SRPX2: variants seen among roughly 807,000 people sequenced by gnomAD.
SRPX2 encodes sushi repeat containing protein X-linked 2.
A neutral mutation model predicts 45.3 loss-of-function variants in SRPX2; 26 were observed. The observed-to-expected ratio is 0.57, with a 90% CI of 0.42 to 0.80. SRPX2 has a LOEUF of 0.80. SRPX2 is among the 30% of genes least tolerant of loss of function. SRPX2 has a pLI of 0.00. For missense variants in SRPX2, 355 were observed against 399.8 expected (o/e 0.89, Z 0.95); for synonymous variants, 125 against 143.7 (o/e 0.87, Z 0.93).
At chrX:100,648,548 C>CA (rs1364287951) in intron 2 of SRPX2, among the ~76,000 whole-genome samples, 1 of 106,691 alleles carries the variant, frequency 9.4e-6, no homozygotes, top group Non-Finnish European at 1.9e-5. Context: ...CCACCATTTG[C>CA]AAAAAAGAAA....
At position 100,662,372 on chromosome X, in the gene SRPX2, G is replaced by A; in HGVS notation, c.355+5G>A. ...CTGGAACTGCCTACTGCAGGCGTAA[G>A]TTGTGTGTGTGCATATGCTGATGTA... On this transcript the variant is annotated splice_donor_5th_base_variant and intron_variant, in intron 4 of 10. Transcript: ENST00000373004. 8.3e-7 allele frequency: 1 copy of A among 1,211,239 alleles called. No homozygotes were observed. Among genetic ancestry groups the A allele is most frequent in the Non-Finnish European group, 1.1e-6 (1 of 895,569 alleles).
chrX:100,666,723 A>G (rs2083205588), intron 7 of SRPX2, 31 bp from the exon 8 acceptor site: 4 of 1,210,156 alleles, frequency 3.3e-6, no homozygotes, highest in Admixed American at 2.2e-5. Flanking sequence ...AAGAAACACC[A>G]TAACTTCTAA....
chrX:100,658,690 T>A lies in SRPX2; in HGVS notation c.164-3486T>A, dbSNP rs770115068. On this transcript the variant is annotated intron_variant, in intron 3 of 10. Coordinates refer to ENST00000373004, the MANE Select transcript of SRPX2 (RefSeq NM_014467.3). ...TAGAAAGTGCATTGAATCTGTAGAT[T>A]GCTTTGAGCAATATGGTCATTTTAA... Among the ~76,000 whole-genome samples the A allele has an allele frequency of 1.0e-3, 115 of 112,244 alleles. 1 individual carries two copies. Among genetic ancestry groups the A allele is most frequent in the Non-Finnish European group, 1.3e-3 (71 of 53,259 alleles).
intron 3 of SRPX2, among the ~76,000 whole-genome samples, chrX:100,659,269 T>C (rs954299518): frequency 8.9e-6 from 1 of 112,046 alleles, no homozygotes; most frequent in Non-Finnish European, 1.9e-5. Context: ...TGAAAACAGA[T>C]TGTGTTTGCT....
chrX:100,665,767 G>A, intron 7 of SRPX2, 110 bp downstream of exon 7: 1 of 1,115,802 alleles, frequency 9.0e-7, no homozygotes, highest in Non-Finnish European at 1.2e-6. Flanking sequence ...ATTTATACTG[G>A]GAGAGGAGAA....
chrX:100,668,768 C>T (rs775352660), intron 9 of SRPX2, among the ~76,000 whole-genome samples: 2 of 112,035 alleles, frequency 1.8e-5, no homozygotes, highest in Non-Finnish European at 3.8e-5. Context: ...AAAGAGCACA[C>T]GCTTGGGCAG....
chrX:100,673,116 A>C lies in SRPX2; in HGVS notation c.*2129A>C, dbSNP rs2083235578. The C allele has an allele frequency of 1.8e-5, 2 of 111,543 alleles. No individual in the cohort carries two copies. The highest frequency in any genetic ancestry group is 1.9e-4 in the Admixed American group (2 of 10,521). The allele number at this position is 111,543 out of a possible 1,213,427, so 9.2% of individuals were successfully genotyped here. On this transcript the variant is annotated 3_prime_UTR_variant, in exon 11 of 11. Coordinates refer to ENST00000373004, the MANE Select transcript of SRPX2 (RefSeq NM_014467.3). The stretch of plus-strand genomic sequence containing the variant: ...GGTCAGACTAGCTCTGTGGTTCCAA[A>C]GGCAAAGACTGCACCTTGGGCGAGA...
intron 2 of SRPX2, among the ~76,000 whole-genome samples, chrX:100,647,783 A>G (rs1386630735): frequency 1.8e-5 from 2 of 112,625 alleles, no homozygotes; most frequent in Non-Finnish European, 3.8e-5. Flanking sequence ...TAAAAGTTAG[A>G]TTCAGTTGAG....
chrX:100,664,789 C>T lies in SRPX2; in HGVS notation c.371C>T (p.Ala124Val), dbSNP rs1277274875. Residue 124 changes from alanine to valine, a missense_variant, in exon 5 of 11, where the codon GCA becomes GTA. By Grantham distance (64) the Ala-to-Val change is moderately conservative (BLOSUM62 0). Transcript: ENST00000373004. ...TAYCRQMRCH[A>V]LPFITSGTYT... Reference sequence around the variant, plus strand: ...TTTCTCTTAGAGATGAGATGCCACGCACTACCATTCATCACTAGTGGCACT... The same window carrying T: ...TTTCTCTTAGAGATGAGATGCCACGTACTACCATTCATCACTAGTGGCACT... The T allele has an allele frequency of 4.1e-6, 5 of 1,205,877 alleles. No individual in the cohort carries two copies. The highest frequency in any genetic ancestry group is 3.6e-5 in the South Asian group (2 of 55,675).
At chrX:100,658,830 G>A (rs2083178448) in intron 3 of SRPX2, among the ~76,000 whole-genome samples, 1 of 111,936 alleles carries the variant, frequency 8.9e-6, no homozygotes, top group African/African-American at 3.2e-5. Context: ...CTTTGGTTAA[G>A]TTTATTTCTA....
chrX:100,670,025 G>A lies in SRPX2; in HGVS notation c.1217+656G>A, dbSNP rs190897284. Among the ~76,000 whole-genome samples the A allele has an allele frequency of 1.9e-3, 209 of 110,827 alleles. 2 individuals carry two copies. The highest frequency in any genetic ancestry group is 6.7e-3 in the African/African-American group (204 of 30,458). On this transcript the variant is annotated intron_variant, in intron 10 of 10. Coordinates refer to ENST00000373004, the MANE Select transcript of SRPX2 (RefSeq NM_014467.3). Reference sequence around the variant, plus strand: ...GACCTCAGGTGATCTGCCCACCTCCGCCTCCCAACCTGCTGGGATTACAGG... The same window carrying A: ...GACCTCAGGTGATCTGCCCACCTCCACCTCCCAACCTGCTGGGATTACAGG...
At chrX:100,660,765 C>A (rs997154633) in intron 3 of SRPX2, among the ~76,000 whole-genome samples, 3 of 110,730 alleles carry the variant, frequency 2.7e-5, no homozygotes, top group African/African-American at 9.9e-5. Flanking sequence ...CAAGCTTGAA[C>A]CCAGGAGGTG....
chrX:100,673,270 AG>A lies in SRPX2; in HGVS notation c.*2285del, dbSNP rs2083236745. On this transcript the variant is annotated 3_prime_UTR_variant, in exon 11 of 11. Transcript: ENST00000373004. ...CAGAGCTCCACCTGGACCTGACTCA[AG>A]GAACATTTATATGCAACTGAGGAGC... is the stretch of plus-strand genomic sequence containing the variant. 8.9e-6 allele frequency: 1 copy of A among 112,529 alleles called. No individual in the cohort carries two copies. Among genetic ancestry groups the A allele is most frequent in the African/African-American group, 3.2e-5 (1 of 30,970 alleles). 9.3% of individuals were successfully genotyped at this position (112,529 alleles called of 1,213,427 possible).
chrX:100,647,451 T>C (rs1427134970), intron 2 of SRPX2, among the ~76,000 whole-genome samples: 1 of 112,504 alleles, frequency 8.9e-6, no homozygotes, highest in East Asian at 2.8e-4. Context: ...AACCTGGCTT[T>C]GTAGGGGGTG....
intron 2 of SRPX2, 98 bp downstream of exon 2, chrX:100,646,502 T>A: frequency 3.8e-6 from 3 of 789,604 alleles, no homozygotes; most frequent in Non-Finnish European, 5.7e-6. Flanking sequence ...GAGACACTTA[T>A]TTTCTATACA....
At chrX:100,661,729 C>A (rs984824254) in intron 3 of SRPX2, among the ~76,000 whole-genome samples, 6 of 111,947 alleles carry the variant, frequency 5.4e-5, no homozygotes, top group African/African-American at 1.9e-4. Flanking sequence ...GAGATTACGC[C>A]ACTGCACTCC....
intron 9 of SRPX2, among the ~76,000 whole-genome samples, chrX:100,668,799 G>A (rs2083213230): frequency 8.9e-6 from 1 of 112,129 alleles, no homozygotes; most frequent in African/African-American, 3.2e-5. Context: ...TCCTCAGTTT[G>A]AATCTTGGCT....
intron 2 of SRPX2, among the ~76,000 whole-genome samples, chrX:100,648,596 A>T (rs1382996104): frequency 8.9e-6 from 1 of 112,484 alleles, no homozygotes; most frequent in Non-Finnish European, 1.9e-5. Context: ...AAATGGGAAA[A>T]TGGAAAGGTT....
Position 100,670,842 on chromosome X carries a change from T to C in SRPX2, c.1253T>C (p.Met418Thr). 1 of 1,211,193 alleles carries C rather than the reference T, an allele frequency of 8.3e-7. No homozygotes were observed. The highest frequency in any genetic ancestry group is 1.8e-5 in the South Asian group (1 of 56,910). ...CGCCTCACTCGCTCCTACTTCAACA[T>C]GGTGTTGATTGACAAGCAGGGTATT... ...FQRLTRSYFN[M>T]VLIDKQGIDR... The change falls in exon 11 of 11, where the codon ATG becomes ACG. Residue 418 changes from methionine (M) to threonine (T), a missense_variant. By Grantham distance (81) the Met-to-Thr change is moderately conservative. Transcript: ENST00000373004.
Sources: gnomAD v4.1 joint callset for allele counts (sites outside exome capture counted in the v4.1 genomes callset) on GRCh38, gnomAD v4.1.1 for gene constraint, MANE v1.5 for transcripts, NCBI Gene and HGNC (gene_info 2026-07-23, HGNC 2026-07-21) for gene names.